The following SYT16 variants were observed in gnomAD, a reference collection of about 807,000 sequenced individuals.
SYT16 encodes synaptotagmin 16.
In SYT16, 42 loss-of-function variants were observed where a neutral mutation model predicts 61.4. That is an observed-to-expected ratio of 0.68 (90% CI 0.53 to 0.89). The LOEUF is 0.89. Ranked by LOEUF, SYT16 falls within the 40% of genes least tolerant of loss-of-function variation. The pLI is 0.00. For synonymous variants in SYT16, 314 were observed against 302.3 expected, an observed-to-expected ratio of 1.04 and a Z score of -0.40; for missense variants, 804 against 807.3, an observed-to-expected ratio of 1.00 and a Z score of 0.05.
chr14:62,089,292 C>T (rs1433244099), intron 7 of SYT16, among the ~76,000 whole-genome samples: 1 of 147,908 alleles, frequency 6.8e-6, no homozygotes, highest in Non-Finnish European at 1.5e-5. Flanking sequence ...GCACTCCAGC[C>T]TGGGCCACAG....
At chr14:62,065,373 G>C (rs1164039045) in intron 3 of SYT16, among the ~76,000 whole-genome samples, 2 of 152,020 alleles carry the variant, frequency 1.3e-5, no homozygotes, top group Non-Finnish European at 2.9e-5. Flanking sequence ...CTACTTCATG[G>C]AATGGGTAGA....
rs148596438 is a variant in SYT16 at position 61,939,592 on chromosome 14, A to G, written c.-324-30540A>G. Among the ~76,000 whole-genome samples the G allele has an allele frequency of 5.2e-3, 794 of 152,204 alleles. 3 individuals carry two copies. Among genetic ancestry groups the G allele is most frequent in the African/African-American group, 0.018 (752 of 41,516 alleles). On this transcript the variant is annotated intron_variant, in intron 1 of 7. Coordinates refer to ENST00000683842, the MANE Select transcript of SYT16 (RefSeq NM_001367656.1). ...CACGTGTGTACATGCCTGTGGCCAG[A>G]TTTCCTCTTTTTATGAGGATGCCAG...
intron 1 of SYT16, among the ~76,000 whole-genome samples, chr14:61,830,587 C>G (rs989824556): frequency 2.0e-5 from 3 of 152,140 alleles, no homozygotes; most frequent in Admixed American, 6.6e-5. Flanking sequence ...CTGCACAGGA[C>G]TTCATACACA....
chr14:62,092,187 CA>C, intron 7 of SYT16, among the ~76,000 whole-genome samples: 1 of 90,124 alleles, frequency 1.1e-5, no homozygotes, highest in Middle Eastern at 6.1e-3. Context: ...CACACACACA[CA>C]CACACACACA....
At chr14:62,092,817 G>A (rs1277226443) in intron 7 of SYT16, among the ~76,000 whole-genome samples, 1 of 151,886 alleles carries the variant, frequency 6.6e-6, no homozygotes, top group African/African-American at 2.4e-5. Flanking sequence ...TGGTGATTTT[G>A]TACAACATTA....
chr14:62,082,430 C>G lies in SYT16; in HGVS notation c.1434+1156C>G, dbSNP rs182044280. Among the ~76,000 whole-genome samples the G allele has an allele frequency of 6.6e-5, 10 of 152,230 alleles. No homozygotes were observed. The East Asian group carries it at 1.9e-3, about 29-fold the overall frequency. On this transcript the variant is annotated intron_variant, in intron 6 of 7. Transcript: ENST00000683842. ...TTCCAATTGCTGGGGTCAAAAATCT[C>G]AGAAGTCATCTGTGACTTTTCTGTT... is the stretch of plus-strand genomic sequence containing the variant.
intron 3 of SYT16, among the ~76,000 whole-genome samples, chr14:62,015,148 C>T (rs896744992): frequency 4.9e-4 from 74 of 152,164 alleles, no homozygotes; most frequent in African/African-American, 1.7e-3. Flanking sequence ...TTACATTTCT[C>T]AATAATATAG....
chr14:62,013,963 C>CAA (rs555395324), intron 3 of SYT16, among the ~76,000 whole-genome samples: 6 of 129,288 alleles, frequency 4.6e-5, no homozygotes, highest in South Asian at 2.5e-4. Context: ...GATTCCATCT[C>CAA]AAAAAAAAAA....
chr14:61,964,244 G>A (rs906177380), intron 1 of SYT16, among the ~76,000 whole-genome samples: 8 of 152,218 alleles, frequency 5.3e-5, no homozygotes, highest in Non-Finnish European at 1.0e-4. Flanking sequence ...TATGGGCAAA[G>A]CACATTGAAA....
intron 3 of SYT16, among the ~76,000 whole-genome samples, chr14:62,039,474 A>T (rs1384284956): frequency 1.3e-5 from 2 of 152,184 alleles, no homozygotes; most frequent in African/African-American, 2.4e-5. Flanking sequence ...AGCATTAGCT[A>T]TGTGTGAGGA....
Position 62,053,837 on chromosome 14 carries a change from G to A in SYT16, c.524-15766G>A, listed in dbSNP as rs577580662. Among the ~76,000 whole-genome samples the A allele has an allele frequency of 2.6e-5, 4 of 152,258 alleles. No individual in the cohort carries two copies. In the South Asian group the frequency reaches 8.3e-4, roughly 32 times the overall value. On this transcript the variant is annotated intron_variant, in intron 3 of 7. Coordinates refer to ENST00000683842, the MANE Select transcript of SYT16 (RefSeq NM_001367656.1). ...ATTATTATACCTAGAGCAATTTTTT[G>A]TTCAATGGTGCCAGGCTTGTTTTTA...
chr14:62,078,176 C>G (rs1026497392), intron 5 of SYT16, among the ~76,000 whole-genome samples: 1 of 145,550 alleles, frequency 6.9e-6, no homozygotes. Flanking sequence ...TATATAAACA[C>G]ACACACACAC....
intron 3 of SYT16, among the ~76,000 whole-genome samples, chr14:62,048,345 C>T (rs1191776464): frequency 6.6e-6 from 1 of 152,088 alleles, no homozygotes; most frequent in Non-Finnish European, 1.5e-5. Context: ...TTTTTTATTG[C>T]ATCTATTTGA....
intron 1 of SYT16, among the ~76,000 whole-genome samples, chr14:61,926,412 CTGTA>C (rs1256170654): frequency 6.6e-6 from 1 of 152,150 alleles, no homozygotes; most frequent in Non-Finnish European, 1.5e-5. Flanking sequence ...AGTTCAGTCT[CTGTA>C]TGGGGAATGA....
intron 1 of SYT16, among the ~76,000 whole-genome samples, chr14:61,964,201 A>G (rs534095610): frequency 4.1e-4 from 62 of 152,322 alleles, no homozygotes; most frequent in African/African-American, 1.3e-3. Flanking sequence ...TTGCAAGGCT[A>G]TAACTTCCAT....
At chr14:61,845,581 CT>C (rs571130108) in intron 1 of SYT16, among the ~76,000 whole-genome samples, 1 of 152,150 alleles carries the variant, frequency 6.6e-6, no homozygotes, top group Non-Finnish European at 1.5e-5. Flanking sequence ...TGGATCTTCT[CT>C]CTTTTTTCTT....
chr14:61,905,235 C>T (rs10483748), intron 1 of SYT16, among the ~76,000 whole-genome samples: 44,357 of 152,034 alleles, frequency 0.29, 6,920 homozygotes, highest in African/African-American at 0.37. Context: ...ATGATTTCTG[C>T]GAACACATCT....
intron 3 of SYT16, among the ~76,000 whole-genome samples, chr14:62,035,910 A>T (rs1019101925): frequency 6.6e-6 from 1 of 152,160 alleles, no homozygotes; most frequent in Non-Finnish European, 1.5e-5. Context: ...GGGCTAATTA[A>T]TTACTGCCTT....
At chr14:61,907,069 C>G (rs552439560) in intron 1 of SYT16, among the ~76,000 whole-genome samples, 1 of 152,254 alleles carries the variant, frequency 6.6e-6, no homozygotes, top group Non-Finnish European at 1.5e-5. Context: ...GAGGCAGAGA[C>G]AAGCTCCCTT....
Sources: gnomAD v4.1 joint callset for allele counts (sites outside exome capture counted in the v4.1 genomes callset) on GRCh38, gnomAD v4.1.1 for gene constraint, MANE v1.5 for transcripts, NCBI Gene and HGNC (gene_info 2026-07-23, HGNC 2026-07-21) for gene names.